NOD1: variants seen among roughly 807,000 people sequenced by gnomAD.
NOD1 encodes the protein nucleotide-binding oligomerization domain-containing protein 1.
NOD1 carries 70 observed loss-of-function variants against 81.2 expected under a neutral mutation model. The observed-to-expected ratio is 0.86, with a 90% CI of 0.71 to 1.05. NOD1 has a LOEUF of 1.05. NOD1 is among the 50% of genes least tolerant of loss of function. The pLI is 0.00. For missense variants in NOD1, 1,233 were observed against 1,228.0 expected, an observed-to-expected ratio of 1.00 and a Z score of -0.06; for synonymous variants, 508 against 526.9, an observed-to-expected ratio of 0.96 and a Z score of 0.49.
At chr7:30,448,403 A>T (rs1458196993) in intron 6 of NOD1, 22 bp from the exon 7 acceptor site, 2 of 1,596,606 alleles carry the variant, frequency 1.3e-6, no homozygotes, top group African/African-American at 2.7e-5. Flanking sequence ...CAGCAAAAAA[A>T]TTACGAGTCA....
intron 12 of NOD1, among the ~76,000 whole-genome samples, chr7:30,431,055 G>A (rs956326535): frequency 6.6e-6 from 1 of 152,236 alleles, no homozygotes; most frequent in African/African-American, 2.4e-5. Flanking sequence ...CCAGGAAGGA[G>A]AGCACCTAAT....
Position 30,452,058 on chromosome 7 carries a change from G to T in NOD1, c.1359C>A (p.Leu453=), listed in dbSNP as rs1785789479. Residue 453 remains leucine, a synonymous_variant, in exon 6 of 14, where the codon CTC becomes CTA. Coordinates refer to ENST00000222823, the MANE Select transcript of NOD1 (RefSeq NM_006092.4). ...QRNTRSPVET[L]HAGRDTLCSL... is the part of the protein sequence containing the mutation. Reference sequence around the variant, plus strand: ...AGCACAGAGTGTCCCGGCCGGCGTGGAGGGTCTCCACTGGGCTGCGTGTGT... The same window carrying T: ...AGCACAGAGTGTCCCGGCCGGCGTGTAGGGTCTCCACTGGGCTGCGTGTGT... 1.2e-6 allele frequency: 2 copies of T among 1,613,498 alleles called. No individual in the cohort carries two copies. Among genetic ancestry groups the T allele is most frequent in the African/African-American group, 1.3e-5 (1 of 74,958 alleles).
At chr7:30,435,761 C>A (rs1484472087) in intron 11 of NOD1, among the ~76,000 whole-genome samples, 1 of 152,024 alleles carries the variant, frequency 6.6e-6, no homozygotes, top group Non-Finnish European at 1.5e-5. Flanking sequence ...GAGTTCAAGA[C>A]CAGCCTGGGT....
At chr7:30,471,936 G>C (rs775541281) in intron 1 of NOD1, among the ~76,000 whole-genome samples, 22 of 152,166 alleles carry the variant, frequency 1.4e-4, no homozygotes, top group Non-Finnish European at 2.8e-4. Flanking sequence ...GGCAGGCCTG[G>C]TTCCAAATCC....
intron 12 of NOD1, among the ~76,000 whole-genome samples, chr7:30,430,173 A>T (rs1306635584): frequency 6.6e-6 from 1 of 152,174 alleles, no homozygotes; most frequent in African/African-American, 2.4e-5. Flanking sequence ...AGAGGGAGGG[A>T]GGAGAAACAG....
Position 30,433,129 on chromosome 7 carries a change from A to T in NOD1, c.2672T>A (p.Met891Lys). Reference sequence around the variant, plus strand: ...CTTTAACGTCTGGTTGACTTTCAACATTTCTGCCAAACTCTCTGCCACTTC... The same window carrying T: ...CTTTAACGTCTGGTTGACTTTCAACTTTTCTGCCAAACTCTCTGCCACTTC... ...NDEVAESLAE[M>K]LKVNQTLKHL... Residue 891 changes from methionine to lysine, a missense_variant, in exon 12 of 14, where the codon ATG becomes AAG. By Grantham distance (95) the Met-to-Lys change is moderately conservative. Transcript: ENST00000222823. The T allele has an allele frequency of 6.2e-7, 1 of 1,614,098 alleles. No homozygotes were observed. Among genetic ancestry groups the T allele is most frequent in the Non-Finnish European group, 8.5e-7 (1 of 1,179,940 alleles).
chr7:30,470,529 G>C (rs934044619), intron 1 of NOD1, among the ~76,000 whole-genome samples: 2 of 152,198 alleles, frequency 1.3e-5, no homozygotes, highest in Non-Finnish European at 2.9e-5. Context: ...GGCTCACTTA[G>C]GGAATGTCAC....
At chr7:30,466,879 G>T (rs1787748031) in intron 1 of NOD1, among the ~76,000 whole-genome samples, 1 of 152,142 alleles carries the variant, frequency 6.6e-6, no homozygotes, top group South Asian at 2.1e-4. Context: ...AAGAAAAATA[G>T]GCAGGACATG....
At chr7:30,473,803 C>T (rs962029246) in intron 1 of NOD1, among the ~76,000 whole-genome samples, 1 of 152,158 alleles carries the variant, frequency 6.6e-6, no homozygotes, top group Non-Finnish European at 1.5e-5. Context: ...CACTGAGCAG[C>T]TGGGGCAGTG....
intron 4 of NOD1, 83 bp from the exon 5 acceptor site, chr7:30,455,394 A>C: frequency 8.9e-7 from 1 of 1,127,650 alleles, no homozygotes; most frequent in Non-Finnish European, 1.3e-6. Context: ...GGCTCAGGGC[A>C]GGGCTCTGAG....
chr7:30,425,273 C>T lies in NOD1; in HGVS notation c.*365G>A, dbSNP rs962364793. 5.1e-5 allele frequency: 12 copies of T among 233,352 alleles called. No individual in the cohort carries two copies. Among genetic ancestry groups the T allele is most frequent in the African/African-American group, 2.3e-4 (10 of 44,318 alleles). The allele number at this position is 233,352 out of a possible 1,614,324, so 14.5% of individuals were successfully genotyped here. A position where few individuals can be genotyped will look rare whatever the true frequency, so the allele number is the denominator to read the frequency against. Reference sequence around the variant, plus strand: ...AAAAGAGCGGTGACCAACTCGCTCCCGTTGGTCCCTATGGCAGGTGTTGGA... The same window carrying T: ...AAAAGAGCGGTGACCAACTCGCTCCTGTTGGTCCCTATGGCAGGTGTTGGA... On this transcript the variant is annotated 3_prime_UTR_variant, in exon 14 of 14. Coordinates refer to ENST00000222823, the MANE Select transcript of NOD1 (RefSeq NM_006092.4).
intron 4 of NOD1, among the ~76,000 whole-genome samples, chr7:30,455,709 C>A (rs1009107684): frequency 6.6e-6 from 1 of 151,792 alleles, no homozygotes; most frequent in African/African-American, 2.4e-5. Context: ...TCAAGGAATT[C>A]TCTTTCCTCA....
intron 1 of NOD1, among the ~76,000 whole-genome samples, chr7:30,464,370 C>T (rs1787469309): frequency 1.3e-5 from 2 of 152,214 alleles, no homozygotes; most frequent in Non-Finnish European, 1.5e-5. Flanking sequence ...GGTGGGACAA[C>T]TCCATGAGGT....
At chr7:30,432,969 G>A (rs1265353331) in intron 12 of NOD1, 127 bp downstream of exon 12, 4 of 685,600 alleles carry the variant, frequency 5.8e-6, no homozygotes, top group Non-Finnish European at 9.9e-6. Context: ...ATTAGGTGGT[G>A]ATGGTTGCAC....
chr7:30,437,647 G>A lies in NOD1; in HGVS notation c.2463C>T (p.Gly821=), dbSNP rs1312826721. Residue 821 remains glycine, a synonymous_variant, in exon 10 of 14, where the codon GGC becomes GGT. Transcript: ENST00000222823. ...TTGCTCCTTCATCCCCAACTTGATTGCCCCACATCCTGAGGGAGGAGACAA... is the reference window on the plus strand; with the variant it reads ...TTGCTCCTTCATCCCCAACTTGATTACCCCACATCCTGAGGGAGGAGACAA... ...SKSISEVGMW[G]NQVGDEGAKA... 4 of 1,513,434 alleles carry A rather than the reference G, an allele frequency of 2.6e-6. No homozygotes were observed. In the South Asian group the frequency reaches 5.4e-5, roughly 20 times the overall value. The allele number at this position is 1,513,434 out of a possible 1,614,324, so 93.8% of individuals were successfully genotyped here.
At position 30,452,420 on chromosome 7, in the gene NOD1, G is replaced by A. The variant is rs1239410955; in HGVS notation, c.997C>T (p.Arg333Cys). ...LKGASKLLTA[R>C]TGIEVPRQFL... ...TGGCGCGGGACCTCGATGCCTGTGC[G>A]GGCTGTGAGCAGCTTGCTAGCCCCC... The change falls in exon 6 of 14, where the codon CGC becomes TGC. Residue 333 changes from arginine to cysteine, a missense_variant. By Grantham distance (180) the Arg-to-Cys change is radical (BLOSUM62 -3). Transcript: ENST00000222823. 7.4e-6 allele frequency: 12 copies of A among 1,613,252 alleles called. No homozygotes were observed. Among genetic ancestry groups the A allele is most frequent in the East Asian group, 2.2e-5 (1 of 44,894 alleles).
rs3832514 is a variant in NOD1 at position 30,460,092 on chromosome 7, TATAATGTCC to T, written c.-351-60_-351-52del. 6.9e-4 allele frequency: 191 copies of T among 278,058 alleles called. 5 individuals carry two copies. In the East Asian group the frequency reaches 0.032, roughly 46 times the overall value. The allele number at this position is 278,058 out of a possible 1,614,324, so 17.2% of individuals were successfully genotyped here. ...CAGCCATCTGGCAAGGAGGCTGCTT[TATAATGTCC>T]AGAGCCCTGGCTGAAGATTTAATCA... On this transcript the variant is annotated intron_variant, in intron 1 of 13. Transcript: ENST00000222823.
chr7:30,445,971 T>TG (rs1785024948), intron 9 of NOD1, among the ~76,000 whole-genome samples, 170 bp downstream of exon 9: 1 of 151,902 alleles, frequency 6.6e-6, no homozygotes, highest in Non-Finnish European at 1.5e-5. Context: ...GAGTTATTGC[T>TG]TAATGGGCAC....
intron 1 of NOD1, chr7:30,460,676 C>A: frequency 1.0e-6 from 1 of 985,428 alleles, no homozygotes; most frequent in Non-Finnish European, 1.2e-6. Flanking sequence ...AAGCCATCTC[C>A]TGAGGCAAAG....
Sources: gnomAD v4.1 joint callset for allele counts (sites outside exome capture counted in the v4.1 genomes callset) on GRCh38, gnomAD v4.1.1 for gene constraint, MANE v1.5 for transcripts, NCBI Gene and HGNC (gene_info 2026-07-23, HGNC 2026-07-21) for gene names.